DSCAM: variants seen among roughly 807,000 people sequenced by gnomAD.
The protein encoded by DSCAM is cell adhesion molecule DSCAM.
Under a neutral mutation model 217.7 loss-of-function variants are expected in DSCAM, and 47 were observed. The observed-to-expected ratio is 0.22, with a 90% CI of 0.17 to 0.28. The LOEUF (loss-of-function observed/expected upper bound fraction) is 0.28. Ranked by LOEUF, DSCAM falls within the 10% of genes least tolerant of loss-of-function variation. DSCAM has a pLI of 1.00. For missense variants in DSCAM, 2,080 were observed against 2,618.3 expected (o/e 0.79, Z 4.49); for synonymous variants, 1,056 against 1,015.3 (o/e 1.04, Z -0.76).
chr21:40,671,347 T>C (rs531660703), intron 3 of DSCAM, among the ~76,000 whole-genome samples: 76 of 152,302 alleles, frequency 5.0e-4, no homozygotes, highest in South Asian at 1.9e-3. Flanking sequence ...GCGAACAGAC[T>C]AGCCTGAACA....
chr21:40,415,768 C>T (rs908673404), intron 3 of DSCAM, among the ~76,000 whole-genome samples: 1 of 152,102 alleles, frequency 6.6e-6, no homozygotes, highest in Non-Finnish European at 1.5e-5. Context: ...CTTCGAGGGT[C>T]TTCTCATCCT....
intron 3 of DSCAM, among the ~76,000 whole-genome samples, chr21:40,618,275 T>A (rs529514252): frequency 6.6e-6 from 1 of 152,198 alleles, no homozygotes; most frequent in Non-Finnish European, 1.5e-5. Flanking sequence ...TTTTAAAATG[T>A]TACTGGGTAA....
chr21:40,674,643 T>G (rs1280036889), intron 3 of DSCAM, among the ~76,000 whole-genome samples: 1 of 146,794 alleles, frequency 6.8e-6, no homozygotes, highest in Non-Finnish European at 1.5e-5. Flanking sequence ...TTTTTTTTTT[T>G]TTTTTTTGAG....
intron 20 of DSCAM, among the ~76,000 whole-genome samples, chr21:40,116,950 C>T (rs920374730): frequency 5.4e-5 from 7 of 129,012 alleles, no homozygotes; most frequent in African/African-American, 2.1e-4. Flanking sequence ...TGCAGTGAGC[C>T]GAGATCGCAC....
chr21:40,414,276 C>T (rs949625264), intron 3 of DSCAM, among the ~76,000 whole-genome samples: 30 of 152,016 alleles, frequency 2.0e-4, no homozygotes, highest in African/African-American at 6.8e-4. Context: ...TCTTAGAACT[C>T]GACTATAAGA....
intron 1 of DSCAM, among the ~76,000 whole-genome samples, chr21:40,789,433 TAGCTGAGC>T (rs1191232004): frequency 3.9e-5 from 6 of 152,182 alleles, no homozygotes; most frequent in African/African-American, 1.4e-4. Context: ...GACATTTCTG[TAGCTGAGC>T]AGCTTTGTAA....
chr21:40,453,091 T>TGTGTGA (rs1555921384), intron 3 of DSCAM, among the ~76,000 whole-genome samples: 7 of 128,878 alleles, frequency 5.4e-5, no homozygotes, highest in Non-Finnish European at 9.9e-5. Flanking sequence ...TGTGTGTGTG[T>TGTGTGA]GAGATATATG....
intron 3 of DSCAM, among the ~76,000 whole-genome samples, chr21:40,469,360 A>T (rs1465846544): frequency 6.6e-6 from 1 of 152,182 alleles, no homozygotes; most frequent in Non-Finnish European, 1.5e-5. Context: ...AGGAAATAGG[A>T]AATCCAGCAT....
At chr21:40,112,647 C>G (rs1245214586) in intron 20 of DSCAM, among the ~76,000 whole-genome samples, 3 of 151,866 alleles carry the variant, frequency 2.0e-5, no homozygotes, top group African/African-American at 7.3e-5. Context: ...TTGAAAAGAT[C>G]AACAAAATTG....
chr21:40,256,900 G>A (rs914238064), intron 11 of DSCAM, among the ~76,000 whole-genome samples: 1 of 152,110 alleles, frequency 6.6e-6, no homozygotes, highest in Non-Finnish European at 1.5e-5. Flanking sequence ...CAATAACAAG[G>A]TTATACTTCC....
intron 5 of DSCAM, among the ~76,000 whole-genome samples, chr21:40,349,444 C>T (rs1373234816): frequency 6.6e-6 from 1 of 152,114 alleles, no homozygotes; most frequent in East Asian, 1.9e-4. Context: ...GTTTTCAATT[C>T]AACAACCTTA....
chr21:40,142,088 C>T lies in DSCAM; in HGVS notation c.3406+470G>A, dbSNP rs535919988. 1.3e-4 allele frequency among the ~76,000 whole-genome samples: 20 copies of T among 151,656 alleles called. No homozygotes were observed. In the East Asian group the frequency reaches 3.9e-3, roughly 29 times the overall value. On this transcript the variant is annotated intron_variant, in intron 18 of 32. Transcript: ENST00000400454. ...GACAAAACGGGAGGGCCCTGAACTT[C>T]CTGGCCCCCTCCTGAGTGCCCCCCT...
intron 28 of DSCAM, among the ~76,000 whole-genome samples, chr21:40,062,129 G>A (rs1246250936): frequency 6.6e-6 from 1 of 152,198 alleles, no homozygotes; most frequent in African/African-American, 2.4e-5. Flanking sequence ...TGAAGAGGGG[G>A]ACTGGGTGGA....
At chr21:40,624,458 C>A (rs1568945485) in intron 3 of DSCAM, among the ~76,000 whole-genome samples, 1 of 152,106 alleles carries the variant, frequency 6.6e-6, no homozygotes, top group Non-Finnish European at 1.5e-5. Context: ...TTTGGCCAGG[C>A]CCTTAGAACA....
At chr21:40,795,837 G>T (rs923959473) in intron 1 of DSCAM, among the ~76,000 whole-genome samples, 1 of 152,180 alleles carries the variant, frequency 6.6e-6, no homozygotes, top group Non-Finnish European at 1.5e-5. Flanking sequence ...CAGATGATCT[G>T]ATTGTTTGGT....
At chr21:40,476,961 T>C (rs1304688069) in intron 3 of DSCAM, among the ~76,000 whole-genome samples, 2 of 152,190 alleles carry the variant, frequency 1.3e-5, no homozygotes, top group Admixed American at 6.5e-5. Flanking sequence ...AAAAATAATG[T>C]TCATTTTAAA....
At chr21:40,261,652 TACACACACAC>T (rs71186922) in intron 11 of DSCAM, among the ~76,000 whole-genome samples, 30 of 133,516 alleles carry the variant, frequency 2.2e-4, no homozygotes, top group African/African-American at 7.9e-4. Flanking sequence ...TCTCTCTCTC[TACACACACAC>T]ACACACACAC....
At chr21:40,637,815 G>A (rs75790547) in intron 3 of DSCAM, among the ~76,000 whole-genome samples, 17 of 150,164 alleles carry the variant, frequency 1.1e-4, no homozygotes, top group Non-Finnish European at 2.2e-4. Flanking sequence ...TGGGACTACA[G>A]GTGCGCACCA....
chr21:40,143,574 G>A (rs965828196), intron 17 of DSCAM, among the ~76,000 whole-genome samples: 1 of 152,152 alleles, frequency 6.6e-6, no homozygotes, highest in Admixed American at 6.5e-5. Context: ...GGCAGATCAC[G>A]AGGTCAGGAG....
Sources: allele counts gnomAD v4.1 joint callset (sites outside exome capture counted in the v4.1 genomes callset), GRCh38; gene constraint gnomAD v4.1.1; transcripts MANE v1.5; gene names NCBI Gene and HGNC (gene_info 2026-07-23, HGNC 2026-07-21).